Variants in NAALADL2 observed in about 807,000 individuals in gnomAD.
NAALADL2 encodes inactive N-acetylated-alpha-linked acidic dipeptidase-like protein 2.
Under a neutral mutation model 87.2 loss-of-function variants are expected in NAALADL2, and 76 were observed. The ratio of observed to expected loss-of-function variants is 0.87; its 90% confidence interval spans 0.72 to 1.05. The LOEUF is 1.05. NAALADL2 is among the 50% of genes least tolerant of loss of function. The pLI is 0.00. For synonymous variants in NAALADL2, 354 were observed against 331.0 expected, an observed-to-expected ratio of 1.07 and a Z score of -0.75; for missense variants, 1,089 against 945.8, an observed-to-expected ratio of 1.15 and a Z score of -1.99.
At chr3:174,703,817 AG>A (rs1368535609) in intron 2 of NAALADL2, among the ~76,000 whole-genome samples, 4 of 152,188 alleles carry the variant, frequency 2.6e-5, no homozygotes, top group African/African-American at 4.8e-5. Flanking sequence ...CTCTGCTCTT[AG>A]AATTTTACTT....
intron 11 of NAALADL2, among the ~76,000 whole-genome samples, chr3:175,688,181 C>G (rs946918061): frequency 5.3e-5 from 8 of 152,104 alleles, no homozygotes; most frequent in Non-Finnish European, 1.2e-4. Context: ...ATTACAATGA[C>G]TCCGCAGGTT....
At chr3:175,480,692 A>C (rs12631044) in intron 9 of NAALADL2, among the ~76,000 whole-genome samples, 2,192 of 152,010 alleles carry the variant, frequency 0.014, 116 homozygotes, top group East Asian at 0.13. Flanking sequence ...TAAAATATTA[A>C]TCAGATTTCA....
In NAALADL2 at chr3:175,178,555, A is replaced by G. The variant is rs1736012662; in HGVS notation, c.546-55376A>G. ...TCTGAAGACAGCCAGGACACTCACA[A>G]GAAATGTTAATGCTGGAAAAACAGT... On this transcript the variant is annotated intron_variant, in intron 2 of 13. Transcript: ENST00000454872. Among the ~76,000 whole-genome samples the G allele has an allele frequency of 2.0e-5, 3 of 152,068 alleles. No homozygotes were observed. The South Asian group carries it at 6.2e-4, about 31-fold the overall frequency.
intron 10 of NAALADL2, among the ~76,000 whole-genome samples, chr3:175,585,379 C>A (rs777271836): frequency 7.2e-4 from 110 of 152,252 alleles, no homozygotes; most frequent in Non-Finnish European, 1.4e-3. Context: ...CTGCTAGATT[C>A]ATGGTGAAGT....
chr3:175,386,985 TAAAG>T (rs1768455873), intron 5 of NAALADL2, among the ~76,000 whole-genome samples: 1 of 152,008 alleles, frequency 6.6e-6, no homozygotes, highest in African/African-American at 2.4e-5. Flanking sequence ...CTCCAATTAA[TAAAG>T]AAAGAAAAAA....
chr3:175,674,247 G>GGTTTTTTTTTTTTT (rs796930084), intron 11 of NAALADL2, among the ~76,000 whole-genome samples: 1 of 139,930 alleles, frequency 7.1e-6, no homozygotes, highest in African/African-American at 2.7e-5. Context: ...AACTGATAGT[G>GGTTTTTTTTTTTTT]TTTTTTTTTT....
At chr3:175,478,444 G>A (rs752946115) in intron 9 of NAALADL2, among the ~76,000 whole-genome samples, 5 of 151,810 alleles carry the variant, frequency 3.3e-5, no homozygotes, top group Non-Finnish European at 7.4e-5. Context: ...AAGGTTTTCT[G>A]TTCAGTATAT....
chr3:175,258,321 C>T lies in NAALADL2; in HGVS notation c.939+1791C>T, dbSNP rs369709903. 2.8e-5 allele frequency among the ~76,000 whole-genome samples: 3 copies of T among 108,212 alleles called. No individual in the cohort carries two copies. The East Asian group carries it at 7.5e-4, about 27-fold the overall frequency. 71.0% of individuals were successfully genotyped at this position (108,212 alleles called of 152,430 possible). On this transcript the variant is annotated intron_variant, in intron 4 of 13. Transcript: ENST00000454872. ...CGAGACTCCGTCCCTCCGCCCCCAC[C>T]ACCAAAAAAAAAAAAAAAAAAAGAA...
intron 1 of NAALADL2, among the ~76,000 whole-genome samples, chr3:174,988,408 A>G (rs1471075277): frequency 6.6e-6 from 1 of 152,246 alleles, no homozygotes; most frequent in Admixed American, 6.5e-5. Flanking sequence ...TAACCATGTA[A>G]TATAGATGTC....
chr3:174,835,301 T>G (rs1192278566), intron 3 of NAALADL2, among the ~76,000 whole-genome samples: 1 of 151,996 alleles, frequency 6.6e-6, no homozygotes, highest in African/African-American at 2.4e-5. Flanking sequence ...AAACTAGATA[T>G]CCACATGCAA....
intron 9 of NAALADL2, among the ~76,000 whole-genome samples, chr3:175,502,749 C>A (rs1304150124): frequency 6.6e-6 from 1 of 152,058 alleles, no homozygotes; most frequent in Non-Finnish European, 1.5e-5. Flanking sequence ...ACCTAAACAT[C>A]AGGATATGTC....
chr3:175,266,509 C>T (rs1751955396), intron 4 of NAALADL2, among the ~76,000 whole-genome samples: 1 of 151,626 alleles, frequency 6.6e-6, no homozygotes, highest in Admixed American at 6.6e-5. Flanking sequence ...GTTCTAATTT[C>T]CCTTTTGTTT....
intron 2 of NAALADL2, among the ~76,000 whole-genome samples, chr3:175,128,819 A>G (rs1033609513): frequency 6.6e-6 from 1 of 152,012 alleles, no homozygotes; most frequent in Non-Finnish European, 1.5e-5. Context: ...TTTTAAATTT[A>G]TTAAATTTTA....
chr3:175,493,704 T>A (rs1421241029), intron 9 of NAALADL2, among the ~76,000 whole-genome samples: 1 of 152,172 alleles, frequency 6.6e-6, no homozygotes, highest in East Asian at 1.9e-4. Flanking sequence ...AGGGTCGATG[T>A]CTATAATAGT....
intron 4 of NAALADL2, among the ~76,000 whole-genome samples, chr3:175,309,862 T>C (rs1431508917): frequency 1.3e-5 from 2 of 152,208 alleles, no homozygotes; most frequent in Non-Finnish European, 2.9e-5. Flanking sequence ...GCAGGGCAGA[T>C]GTCATCCCTT....
At chr3:175,714,653 C>A (rs989601127) in intron 11 of NAALADL2, among the ~76,000 whole-genome samples, 1 of 152,050 alleles carries the variant, frequency 6.6e-6, no homozygotes, top group Non-Finnish European at 1.5e-5. Flanking sequence ...GAGTAGATTG[C>A]AAAAACGTTC....
chr3:174,535,674 T>G (rs1721657059), intron 1 of NAALADL2, among the ~76,000 whole-genome samples: 1 of 152,066 alleles, frequency 6.6e-6, no homozygotes, highest in African/African-American at 2.4e-5. Flanking sequence ...ATTCCTCCAG[T>G]GTCTCTTATT....
In NAALADL2 at chr3:175,571,648, T is replaced by TCACA. The variant is rs1482674131; in HGVS notation, c.1654-4393_1654-4392insCACA. 3.9e-5 allele frequency among the ~76,000 whole-genome samples: 6 copies of TCACA among 152,284 alleles called. No individual in the cohort carries two copies. In the South Asian group the frequency reaches 1.2e-3, roughly 32 times the overall value. On this transcript the variant is annotated intron_variant, in intron 9 of 13. Coordinates refer to ENST00000454872, the MANE Select transcript of NAALADL2 (RefSeq NM_207015.3). ...AAAAACTATTCACATTAGGATTGAA[T>TCACA]ATAGATTTACAATCACTGCAGGTCT...
intron 2 of NAALADL2, among the ~76,000 whole-genome samples, chr3:175,153,359 C>T (rs1463795141): frequency 6.6e-6 from 1 of 152,090 alleles, no homozygotes; most frequent in Non-Finnish European, 1.5e-5. Context: ...TGCAGTGAGG[C>T]CTACCTTACC....
Sources: gnomAD v4.1 joint callset for allele counts (sites outside exome capture counted in the v4.1 genomes callset) on GRCh38, gnomAD v4.1.1 for gene constraint, MANE v1.5 for transcripts, NCBI Gene and HGNC (gene_info 2026-07-23, HGNC 2026-07-21) for gene names.